The following MUSK variants were observed in gnomAD, a reference collection of about 807,000 sequenced individuals.
The protein encoded by MUSK is muscle associated receptor tyrosine kinase.
Under a neutral mutation model 88.7 loss-of-function variants are expected in MUSK, and 55 were observed. That is an observed-to-expected ratio of 0.62 (90% CI 0.50 to 0.78). The LOEUF is 0.78. MUSK is among the 30% of genes least tolerant of loss of function. The pLI, the probability that MUSK is intolerant of heterozygous loss-of-function variation, is 0.00. For synonymous variants in MUSK, 387 were observed against 391.9 expected (o/e 0.99, Z 0.15); for missense variants, 1,015 against 1,074.3 (o/e 0.94, Z 0.77).
At chr9:110,733,297 C>T (rs1392403409) in intron 5 of MUSK, among the ~76,000 whole-genome samples, 1 of 152,058 alleles carries the variant, frequency 6.6e-6, no homozygotes, top group African/African-American at 2.4e-5. Context: ...CCTTGGGAAA[C>T]CAACTTACTT....
At chr9:110,671,194 T>C (rs540604625) in intron 1 of MUSK, among the ~76,000 whole-genome samples, 4 of 152,158 alleles carry the variant, frequency 2.6e-5, no homozygotes, top group African/African-American at 9.6e-5. Flanking sequence ...ATGGTCTCCA[T>C]CTCTTGACCT....
At chr9:110,755,114 T>C (rs1030704863) in intron 7 of MUSK, among the ~76,000 whole-genome samples, 14 of 152,220 alleles carry the variant, frequency 9.2e-5, no homozygotes, top group African/African-American at 1.4e-4. Flanking sequence ...TATCTCGCAG[T>C]TGGAGTCCTG....
chr9:110,686,360 A>G (rs1457684991), intron 2 of MUSK, among the ~76,000 whole-genome samples: 1 of 152,148 alleles, frequency 6.6e-6, no homozygotes, highest in Non-Finnish European at 1.5e-5. Context: ...TCTGCAAAAT[A>G]AGGTAACATA....
chr9:110,805,073 C>T lies in MUSK; in HGVS notation c.*4085C>T, dbSNP rs1479509185. 6.6e-6 allele frequency among the ~76,000 whole-genome samples: 1 copy of T among 151,876 alleles called. No individual in the cohort carries two copies. The highest frequency in any genetic ancestry group is 6.6e-5 in the Admixed American group (1 of 15,250). On this transcript the variant is annotated 3_prime_UTR_variant, in exon 15 of 15. Coordinates refer to ENST00000374448, the MANE Select transcript of MUSK (RefSeq NM_005592.4). The stretch of plus-strand genomic sequence containing the variant: ...TATTATACAGATTTATCGTAATTGA[C>T]ATAACTATTCTACTGTTAGACATTT...
intron 9 of MUSK, among the ~76,000 whole-genome samples, chr9:110,771,472 T>C (rs1489002734): frequency 6.6e-6 from 1 of 152,172 alleles, no homozygotes; most frequent in Non-Finnish European, 1.5e-5. Flanking sequence ...GTTTTGCTTG[T>C]TCCTGAATCT....
intron 7 of MUSK, among the ~76,000 whole-genome samples, chr9:110,752,025 T>C (rs2077254650): frequency 6.6e-6 from 1 of 152,188 alleles, no homozygotes; most frequent in Admixed American, 6.5e-5. Flanking sequence ...GACCCTTTTG[T>C]CCAACCCCTG....
intron 7 of MUSK, among the ~76,000 whole-genome samples, chr9:110,749,852 G>T (rs896183196): frequency 6.6e-6 from 1 of 152,128 alleles, no homozygotes; most frequent in African/African-American, 2.4e-5. Context: ...CCCAGGACAA[G>T]CAATAATATA....
intron 5 of MUSK, chr9:110,728,776 T>C: frequency 7.0e-7 from 1 of 1,428,502 alleles, no homozygotes. Context: ...TTCAATTGTT[T>C]ATTTTTGTTG....
At chr9:110,718,565 C>T (rs1205474442) in intron 5 of MUSK, among the ~76,000 whole-genome samples, 2 of 151,882 alleles carry the variant, frequency 1.3e-5, no homozygotes, top group East Asian at 3.9e-4. Context: ...GACAAAGCCT[C>T]CAAGAAGTTT....
Position 110,801,110 on chromosome 9 carries a change from T to TG in MUSK, c.*123dup. The TG allele has an allele frequency of 1.2e-6, 1 of 868,812 alleles. No individual in the cohort carries two copies. Among genetic ancestry groups the TG allele is most frequent in the Admixed American group, 3.3e-5 (1 of 30,090 alleles). 53.8% of individuals were successfully genotyped at this position (868,812 alleles called of 1,614,324 possible). ...AGAGTAAGAGTAAACATGAGTAGTG[T>TG]GTTGTTTGCTTCCCAGGGAGAGCAA... On this transcript the variant is annotated 3_prime_UTR_variant, in exon 15 of 15. Coordinates refer to ENST00000374448, the MANE Select transcript of MUSK (RefSeq NM_005592.4).
At chr9:110,778,619 C>A (rs1381491672) in intron 11 of MUSK, among the ~76,000 whole-genome samples, 1 of 151,902 alleles carries the variant, frequency 6.6e-6, no homozygotes, top group Non-Finnish European at 1.5e-5. Flanking sequence ...TACTTACAAC[C>A]CAACATGAGA....
At chr9:110,705,706 T>C (rs1812562141) in intron 5 of MUSK, among the ~76,000 whole-genome samples, 1 of 152,176 alleles carries the variant, frequency 6.6e-6, no homozygotes, top group East Asian at 1.9e-4. Context: ...CACCGCTAGG[T>C]AAGAACTATT....
chr9:110,751,822 G>A (rs1052209193), intron 7 of MUSK, among the ~76,000 whole-genome samples: 1 of 152,072 alleles, frequency 6.6e-6, no homozygotes, highest in Non-Finnish European at 1.5e-5. Context: ...AACCACAAAG[G>A]CAACAATTAA....
chr9:110,675,177 A>G (rs2076008226), intron 1 of MUSK, among the ~76,000 whole-genome samples: 1 of 144,082 alleles, frequency 6.9e-6, no homozygotes. Context: ...TAAGTGATGG[A>G]GCTGGGATGT....
intron 5 of MUSK, among the ~76,000 whole-genome samples, chr9:110,701,050 T>A (rs550386214): frequency 6.6e-6 from 1 of 152,308 alleles, no homozygotes; most frequent in South Asian, 2.1e-4. Flanking sequence ...TGGTCTCTAT[T>A]TCCTCTAGGA....
chr9:110,740,380 T>G (rs1361262941), intron 6 of MUSK, among the ~76,000 whole-genome samples: 1 of 152,312 alleles, frequency 6.6e-6, no homozygotes, highest in East Asian at 1.9e-4. Flanking sequence ...GTTATCTCCC[T>G]GTATTCTCAC....
chr9:110,703,391 G>T (rs74704275), intron 5 of MUSK, among the ~76,000 whole-genome samples: 21,032 of 151,764 alleles, frequency 0.14, 1,834 homozygotes, highest in South Asian at 0.21. Context: ...TTAGCCGGGC[G>T]TGGTGGTGCA....
At chr9:110,691,909 AGAAT>A (rs1320419179) in intron 3 of MUSK, among the ~76,000 whole-genome samples, 24 of 152,296 alleles carry the variant, frequency 1.6e-4, no homozygotes, top group African/African-American at 5.8e-4. Flanking sequence ...TGCTGCATGC[AGAAT>A]GAGAGTTTTA....
chr9:110,696,135 G>A (rs940458684), intron 4 of MUSK, among the ~76,000 whole-genome samples: 1 of 152,010 alleles, frequency 6.6e-6, no homozygotes, highest in Non-Finnish European at 1.5e-5. Context: ...AAATTAGCTG[G>A]GTGTGGTGGT....
Sources: gnomAD v4.1 joint callset for allele counts (sites outside exome capture counted in the v4.1 genomes callset) on GRCh38, gnomAD v4.1.1 for gene constraint, MANE v1.5 for transcripts, NCBI Gene and HGNC (gene_info 2026-07-23, HGNC 2026-07-21) for gene names.